The following ZBBX variants were observed in gnomAD, a reference collection of about 807,000 sequenced individuals.
ZBBX encodes the protein zinc finger B-box domain-containing protein 1.
A neutral mutation model predicts 108.5 loss-of-function variants in ZBBX; 101 were observed. The observed-to-expected ratio is 0.93, with a 90% CI of 0.79 to 1.10. ZBBX has a LOEUF of 1.10. ZBBX is among the 50% of genes least tolerant of loss of function. The pLI is 0.00. For synonymous variants in ZBBX, 356 were observed against 323.4 expected, an observed-to-expected ratio of 1.10 and a Z score of -1.08; for missense variants, 1,009 against 941.4, an observed-to-expected ratio of 1.07 and a Z score of -0.94.
the ZBBX span, among the ~76,000 whole-genome samples, chr3:167,194,346 C>T: frequency 6.6e-6 from 1 of 151,912 alleles, no homozygotes; most frequent in Non-Finnish European, 1.5e-5. Flanking sequence ...CCACACTAGA[C>T]ATGGCCTATG....
intron 20 of ZBBX, among the ~76,000 whole-genome samples, chr3:167,245,288 G>T (rs531340746): frequency 1.3e-5 from 2 of 152,088 alleles, no homozygotes; most frequent in African/African-American, 4.8e-5. Context: ...TAGCGGACCC[G>T]GGAGGCGGAG....
intron 11 of ZBBX, among the ~76,000 whole-genome samples, chr3:167,327,673 T>G (rs111999661): frequency 6.6e-6 from 1 of 152,008 alleles, no homozygotes; most frequent in Non-Finnish European, 1.5e-5. Context: ...TCCCAGCACT[T>G]TAGGAGGGGA....
intron 17 of ZBBX, among the ~76,000 whole-genome samples, chr3:167,304,641 G>C (rs937436957): frequency 6.6e-6 from 1 of 152,014 alleles, no homozygotes; most frequent in African/African-American, 2.4e-5. Flanking sequence ...ATGTATATTT[G>C]GGTATGTATA....
chr3:167,331,542 T>C (rs1352597583), intron 10 of ZBBX: 1 of 984,654 alleles, frequency 1.0e-6, no homozygotes, highest in African/African-American at 1.7e-5. Flanking sequence ...CATTTTCATA[T>C]TGGAGTTATG....
chr3:167,292,803 G>A (rs1331638326), intron 18 of ZBBX, among the ~76,000 whole-genome samples: 1 of 152,052 alleles, frequency 6.6e-6, no homozygotes, highest in Non-Finnish European at 1.5e-5. Context: ...TAGACCACTA[G>A]CCAAACTAAT....
At chr3:167,187,324 T>A in the ZBBX span, among the ~76,000 whole-genome samples, 1 of 152,144 alleles carries the variant, frequency 6.6e-6, no homozygotes, top group Admixed American at 6.5e-5. Flanking sequence ...TACGTGAGAA[T>A]TTTACTATGC....
In ZBBX at chr3:167,360,663, T is replaced by A. The variant is rs763068952; in HGVS notation, c.322+12A>T. On this transcript the variant is annotated intron_variant, in intron 7 of 21. Coordinates refer to ENST00000675490, the MANE Select transcript of ZBBX (RefSeq NM_001199201.2). ...TCTTTAGCATTTATTAACATGGTGA[T>A]AAATTATTTACCTTGAATCTGTTCC... 3.0e-6 allele frequency: 4 copies of A among 1,343,594 alleles called. No homozygotes were observed. In the South Asian group the frequency reaches 8.3e-5, roughly 28 times the overall value. 83.2% of individuals were successfully genotyped at this position (1,343,594 alleles called of 1,614,324 possible). A position where few individuals can be genotyped will look rare whatever the true frequency, so the allele number is the denominator to read the frequency against.
At chr3:167,213,018 A>T in the ZBBX span, among the ~76,000 whole-genome samples, 1 of 152,126 alleles carries the variant, frequency 6.6e-6, no homozygotes, top group Non-Finnish European at 1.5e-5. Flanking sequence ...AGGCGAAAAC[A>T]TCAAGATTAT....
At position 167,323,777 on chromosome 3, in the gene ZBBX, G is replaced by A. The variant is rs768674164; in HGVS notation, c.863-1540C>T. ...GGAAAGTATGCCTAAAGTATGTGAA[G>A]AACGGGTAGAAGTCAAGAGTGGCTG... is the stretch of plus-strand genomic sequence containing the variant. On this transcript the variant is annotated intron_variant, in intron 11 of 21. Coordinates refer to ENST00000675490, the MANE Select transcript of ZBBX (RefSeq NM_001199201.2). 4.6e-5 allele frequency among the ~76,000 whole-genome samples: 7 copies of A among 152,048 alleles called. No individual in the cohort carries two copies. The South Asian group carries it at 1.0e-3, about 22-fold the overall frequency.
chr3:167,329,410 A>C (rs1738000591), intron 10 of ZBBX, among the ~76,000 whole-genome samples: 1 of 152,234 alleles, frequency 6.6e-6, no homozygotes, highest in Non-Finnish European at 1.5e-5. Context: ...ATATTGTTAA[A>C]GACGTATATA....
chr3:167,326,878 T>C (rs1165821596), intron 11 of ZBBX, among the ~76,000 whole-genome samples: 1 of 151,942 alleles, frequency 6.6e-6, no homozygotes, highest in Non-Finnish European at 1.5e-5. Context: ...AAAAGTGTAA[T>C]AGTCAGAAGA....
At chr3:167,309,437 G>T (rs1289838395) in intron 16 of ZBBX, among the ~76,000 whole-genome samples, 1 of 152,178 alleles carries the variant, frequency 6.6e-6, no homozygotes, top group African/African-American at 2.4e-5. Flanking sequence ...CTCTGCCTCT[G>T]CAACAGACTT....
At chr3:167,200,372 T>A in the ZBBX span, among the ~76,000 whole-genome samples, 1 of 152,320 alleles carries the variant, frequency 6.6e-6, no homozygotes, top group South Asian at 2.1e-4. Flanking sequence ...AGGTGTCAGG[T>A]ATTTTTATCT....
chr3:167,311,414 A>G (rs576594973), intron 16 of ZBBX, among the ~76,000 whole-genome samples: 1 of 152,264 alleles, frequency 6.6e-6, no homozygotes, highest in African/African-American at 2.4e-5. Context: ...TTCTAGATAC[A>G]ACATCAAAGA....
intron 5 of ZBBX, chr3:167,366,730 AGAATGTTAAGAAT>A (rs1383459019): frequency 2.4e-6 from 1 of 415,038 alleles, no homozygotes; most frequent in African/African-American, 2.1e-5. Flanking sequence ...GTCAAGCTTT[AGAATGTTAAGAAT>A]CATCTAGAAA....
intron 1 of ZBBX, among the ~76,000 whole-genome samples, chr3:167,406,862 C>A (rs2108646500): frequency 6.6e-6 from 1 of 152,204 alleles, no homozygotes; most frequent in East Asian, 1.9e-4. Flanking sequence ...GGAAATAGGG[C>A]AAATTGGGAA....
the ZBBX span, among the ~76,000 whole-genome samples, chr3:167,188,148 A>G: frequency 2.6e-4 from 40 of 152,216 alleles, no homozygotes; most frequent in Admixed American, 2.6e-3. Flanking sequence ...AATTATTTGG[A>G]AGGAAAACAT....
At chr3:167,227,693 A>C in the ZBBX span, among the ~76,000 whole-genome samples, 2 of 151,740 alleles carry the variant, frequency 1.3e-5, no homozygotes, top group Non-Finnish European at 2.9e-5. Flanking sequence ...ACCCCCTGAA[A>C]GTTCTTCAGG....
chr3:167,406,324 T>C (rs1189751948), intron 1 of ZBBX, among the ~76,000 whole-genome samples: 1 of 152,218 alleles, frequency 6.6e-6, no homozygotes, highest in Non-Finnish European at 1.5e-5. Flanking sequence ...GGCACAGCGT[T>C]CTTAGTAATT....
Sources: allele counts gnomAD v4.1 joint callset (sites outside exome capture counted in the v4.1 genomes callset), GRCh38; gene constraint gnomAD v4.1.1; transcripts MANE v1.5; gene names NCBI Gene and HGNC (gene_info 2026-07-23, HGNC 2026-07-21).